The following SPG11 variants were observed in gnomAD, a reference collection of about 807,000 sequenced individuals.
The protein encoded by SPG11 is spatacsin.
A neutral mutation model predicts 274.0 loss-of-function variants in SPG11; 222 were observed. The observed-to-expected ratio is 0.81, with a 90% CI of 0.73 to 0.91. The LOEUF is 0.91. Among genes scored for constraint, SPG11 ranks in the 40% least tolerant of loss-of-function variants. The pLI is 0.00. For missense variants in SPG11, 3,114 were observed against 2,872.7 expected, an observed-to-expected ratio of 1.08 and a Z score of -1.92; for synonymous variants, 1,144 against 1,039.7, an observed-to-expected ratio of 1.10 and a Z score of -1.93.
At position 44,628,870 on chromosome 15, in the gene SPG11, T is replaced by TTG. The variant is rs536931507; in HGVS notation, c.1892-28_1892-27dup. 245 of 1,599,476 alleles carry TTG rather than the reference T, an allele frequency of 1.5e-4. No individual in the cohort carries two copies. In the African/African-American group the frequency reaches 1.8e-3, roughly 12 times the overall value. On this transcript the variant is annotated intron_variant, in intron 9 of 39. Coordinates refer to ENST00000261866, the MANE Select transcript of SPG11 (RefSeq NM_025137.4). ...CTATGGAAAATACCAATGTGCCAAT[T>TTG]TGTGTGTGTGTGTGTAAATATAAAC...
Position 44,659,187 on chromosome 15 carries a change from C to T in SPG11, c.559G>A (p.Val187Ile). Reference protein sequence around the residue: ...IFPERDAAIRVLNCFTLPLPA... With the variant: ...IFPERDAAIRILNCFTLPLPA... ...AAGGGAAGTGTGAAACAGTTGAGTA[C>T]TCTAATTGCAGCATCTCTTTCAGGA... is the stretch of plus-strand genomic sequence containing the variant. Residue 187 changes from valine to isoleucine, a missense_variant, in exon 3 of 40, where the codon GTA (valine) becomes ATA (isoleucine). By Grantham distance (29) the Val-to-Ile change is conservative. Transcript: ENST00000261866. 6.2e-7 allele frequency: 1 copy of T among 1,614,168 alleles called. No individual in the cohort carries two copies. The highest frequency in any genetic ancestry group is 8.5e-7 in the Non-Finnish European group (1 of 1,180,014).
Position 44,563,095 on chromosome 15 carries a change from A to AAGAAAACAGACACCTAT in SPG11, c.*9_*25dup, listed in dbSNP as rs1393864041. 6.2e-7 allele frequency: 1 copy of AAGAAAACAGACACCTAT among 1,611,538 alleles called. No individual in the cohort carries two copies. Among genetic ancestry groups the AAGAAAACAGACACCTAT allele is most frequent in the East Asian group, 2.2e-5 (1 of 44,860 alleles). ...ATCTGTCAGAATCTGCTAACAGTAC[A>AAGAAAACAGACACCTAT]AGAAAACAGACACCTATGAAATCAT... is the stretch of plus-strand genomic sequence containing the variant. On this transcript the variant is annotated 3_prime_UTR_variant, in exon 40 of 40. Coordinates refer to ENST00000261866, the MANE Select transcript of SPG11 (RefSeq NM_025137.4).
intron 23 of SPG11, 28 bp from the exon 24 acceptor site, chr15:44,596,971 G>A (rs1430603115): frequency 6.2e-7 from 1 of 1,612,238 alleles, no homozygotes; most frequent in Admixed American, 1.7e-5. Context: ...GGTGGGGGTG[G>A]TCAAGAAAAA....
At chr15:44,648,356 T>C (rs1567188302) in intron 7 of SPG11, among the ~76,000 whole-genome samples, 1 of 151,750 alleles carries the variant, frequency 6.6e-6, no homozygotes, top group African/African-American at 2.4e-5. Context: ...TACCAAAAAA[T>C]ACAAAAATTA....
chr15:44,657,994 T>G (rs1217332669), intron 3 of SPG11, among the ~76,000 whole-genome samples: 1 of 152,194 alleles, frequency 6.6e-6, no homozygotes, highest in Non-Finnish European at 1.5e-5. Context: ...GCCACTGCAC[T>G]CCAGCCTGGG....
chr15:44,599,742 A>G (rs2083136389), intron 21 of SPG11, among the ~76,000 whole-genome samples: 1 of 152,256 alleles, frequency 6.6e-6, no homozygotes, highest in Non-Finnish European at 1.5e-5. Context: ...CAATAAAGTA[A>G]ATCTATATTT....
At chr15:44,613,227 A>C (rs2083504256) in intron 17 of SPG11, among the ~76,000 whole-genome samples, 2 of 152,220 alleles carry the variant, frequency 1.3e-5, no homozygotes, top group Non-Finnish European at 2.9e-5. Flanking sequence ...TCTTTGCTCC[A>C]GGTCTAGCTT....
intron 6 of SPG11, among the ~76,000 whole-genome samples, chr15:44,650,473 G>T (rs1347144267): frequency 6.6e-6 from 1 of 152,026 alleles, no homozygotes; most frequent in East Asian, 1.9e-4. Flanking sequence ...GGCCAACAGA[G>T]CGAGACGTCG....
intron 11 of SPG11, 92 bp from the exon 12 acceptor site, chr15:44,622,891 A>G: frequency 1.1e-6 from 1 of 871,060 alleles, no homozygotes; most frequent in Non-Finnish European, 2.0e-6. Flanking sequence ...ACACCCTATT[A>G]TAAACATCTA....
Position 44,566,253 on chromosome 15 carries a change from C to G in SPG11, c.6807G>C (p.Leu2269=). The part of the protein sequence containing the change: ...HQLKQLLLKA[L]TLMLDAAESY... ...TCTCTGCTGCATCCAACATCAGAGT[C>G]AGGGCCTTCAGCAGCAGTTGTTTCA... is the stretch of plus-strand genomic sequence containing the variant. Residue 2269 remains leucine (L), a synonymous_variant, in exon 37 of 40, where the codon CTG becomes CTC. Coordinates refer to ENST00000261866, the MANE Select transcript of SPG11 (RefSeq NM_025137.4). The G allele has an allele frequency of 1.2e-6, 2 of 1,614,210 alleles. No individual in the cohort carries two copies. The highest frequency in any genetic ancestry group is 1.7e-6 in the Non-Finnish European group (2 of 1,180,032).
Position 44,622,212 on chromosome 15 carries a change from G to A in SPG11, c.2444+8C>T, listed in dbSNP as rs1219447251. On this transcript the variant is annotated splice_region_variant and intron_variant, in intron 13 of 39. Coordinates refer to ENST00000261866, the MANE Select transcript of SPG11 (RefSeq NM_025137.4). ...CTAATATTATCAAAAGAGGACTAAT[G>A]AGACTACCTGGGAAATGACTGGATT... 1.9e-6 allele frequency: 3 copies of A among 1,611,460 alleles called. No individual in the cohort carries two copies. The highest frequency in any genetic ancestry group is 8.5e-7 in the Non-Finnish European group (1 of 1,178,148).
At chr15:44,592,089 C>T (rs958878338) in intron 27 of SPG11, among the ~76,000 whole-genome samples, 14 of 146,256 alleles carry the variant, frequency 9.6e-5, no homozygotes, top group African/African-American at 1.3e-4. Context: ...CCAGCCTGGG[C>T]GACAGAGCCA....
chr15:44,663,633 T>A lies in SPG11; in HGVS notation c.15A>T (p.Glu5Asp), dbSNP rs1444959753. Residue 5 changes from glutamate to aspartate, a missense_variant, in exon 1 of 40, where the codon GAA (glutamate) becomes GAT (aspartate). By Grantham distance (45) the Glu-to-Asp change is conservative (BLOSUM62 2). Transcript: ENST00000261866. ...CGGCGGAAGCAGCACTCGCGACCCC[T>A]TCCTCTGCAGCCATCTTGGCCCGGC... MAAE[E>D]GVASAASAGG... is the part of the protein sequence containing the mutation. 35 of 1,595,302 alleles carry A rather than the reference T, an allele frequency of 2.2e-5. No individual in the cohort carries two copies. The highest frequency in any genetic ancestry group is 2.7e-5 in the Non-Finnish European group (32 of 1,176,494).
rs773262748 is a variant in SPG11 at position 44,569,488 on chromosome 15, G to A, written c.6495C>T (p.Gly2165=). ...EYGLVVRLLT[G]IGRYNEMTYI... ...ATGTCATCTCGTTGTACCTTCCAATGCCAGTGAGGAGCCGTACCTGTGAAG... is the reference window on the plus strand; with the variant it reads ...ATGTCATCTCGTTGTACCTTCCAATACCAGTGAGGAGCCGTACCTGTGAAG... Residue 2165 remains glycine, a synonymous_variant, in exon 35 of 40, where the codon GGC becomes GGT. Transcript: ENST00000261866. The A allele has an allele frequency of 1.3e-6, 2 of 1,595,354 alleles. No individual in the cohort carries two copies. Among genetic ancestry groups the A allele is most frequent in the East Asian group, 2.3e-5 (1 of 44,442 alleles).
At position 44,629,208 on chromosome 15, in the gene SPG11, C is replaced by T. The variant is rs374314426; in HGVS notation, c.1891+25G>A. On this transcript the variant is annotated intron_variant, in intron 9 of 39. Transcript: ENST00000261866. ...TTCTGACACAGGAACAGTAGAATTG[C>T]CCCCTTCCTAGCTGCTATTCTTACC... 1.4e-5 allele frequency: 22 copies of T among 1,612,280 alleles called. No homozygotes were observed. In the South Asian group the frequency reaches 2.2e-4, roughly 16 times the overall value.
At chr15:44,599,525 C>A (rs1249211170) in intron 21 of SPG11, among the ~76,000 whole-genome samples, 3 of 152,078 alleles carry the variant, frequency 2.0e-5, no homozygotes, top group Non-Finnish European at 4.4e-5. Context: ...GTCTCAAACT[C>A]CTGAGGTTGT....
Position 44,583,860 on chromosome 15 carries a change from C to T in SPG11, c.5820G>A (p.Leu1940=), listed in dbSNP as rs778703633. The T allele has an allele frequency of 3.7e-6, 6 of 1,614,212 alleles. No homozygotes were observed. The highest frequency in any genetic ancestry group is 2.7e-5 in the African/African-American group (2 of 75,050). Residue 1940 remains leucine, a synonymous_variant, in exon 30 of 40, where the codon CTG becomes CTA. Coordinates refer to ENST00000261866, the MANE Select transcript of SPG11 (RefSeq NM_025137.4). ...GAATGTCGGGTGCTTCTTCCTCAAG[C>T]AGCTCAGCACTTTGTAGGAGAGCAT... ...EIHALLQSAE[L]LEEEAPDIPL...
Position 44,663,522 on chromosome 15 carries a change from G to C in SPG11, c.126C>G (p.Gly42=), listed in dbSNP as rs769083561. Residue 42 remains glycine (G), a synonymous_variant, in exon 1 of 40, where the codon GGC becomes GGG. Transcript: ENST00000261866. ...PVPAEAMGQL[G]SRAQLRTQPE... ...GCTGTGTGCGCAGCTGCGCCCGGGAGCCGAGCTGCCCCATCGCCTCGGCGG... is the reference window on the plus strand; with the variant it reads ...GCTGTGTGCGCAGCTGCGCCCGGGACCCGAGCTGCCCCATCGCCTCGGCGG... 3.8e-6 allele frequency: 6 copies of C among 1,597,238 alleles called. No individual in the cohort carries two copies. The East Asian group carries it at 1.1e-4, about 30-fold the overall frequency.
intron 7 of SPG11, among the ~76,000 whole-genome samples, chr15:44,638,830 T>C (rs1186993428): frequency 6.6e-6 from 1 of 152,080 alleles, no homozygotes; most frequent in South Asian, 2.1e-4. Flanking sequence ...ACCCCACCTC[T>C]ATTAAAAATA....
Sources: allele counts gnomAD v4.1 joint callset (sites outside exome capture counted in the v4.1 genomes callset), GRCh38; gene constraint gnomAD v4.1.1; transcripts MANE v1.5; gene names NCBI Gene and HGNC (gene_info 2026-07-23, HGNC 2026-07-21).